The following RPGR variants were observed in gnomAD, a reference collection of about 807,000 sequenced individuals.
RPGR encodes retinitis pigmentosa GTPase regulator, also known as X-linked retinitis pigmentosa GTPase regulator.
RPGR carries 10 observed loss-of-function variants against 56.3 expected under a neutral mutation model. The ratio of observed to expected loss-of-function variants is 0.18; its 90% CI spans 0.11 to 0.30. RPGR has a LOEUF of 0.30. Ranked by LOEUF, RPGR falls within the 10% of genes least tolerant of loss-of-function variation. The pLI is 1.00. For synonymous variants in RPGR, 197 were observed against 212.9 expected (o/e 0.93, Z 0.65); for missense variants, 538 against 590.9 (o/e 0.91, Z 0.93).
intron 14 of RPGR, chrX:38,287,516 C>T (rs1173605342): frequency 1.9e-6 from 1 of 515,879 alleles, no homozygotes; most frequent in East Asian, 3.7e-5. Flanking sequence ...AAGATCACAT[C>T]TTGCTTGCAA....
intron 6 of RPGR, among the ~76,000 whole-genome samples, chrX:38,316,022 A>G (rs1601970015): frequency 9.0e-6 from 1 of 111,141 alleles, no homozygotes; most frequent in East Asian, 2.8e-4. Flanking sequence ...CATGAAATAC[A>G]TATTAAGTAA....
intron 15 of RPGR, among the ~76,000 whole-genome samples, chrX:38,283,796 G>T (rs2067075672): frequency 8.9e-6 from 1 of 111,867 alleles, no homozygotes; most frequent in African/African-American, 3.2e-5. Context: ...AATAACTTGA[G>T]TTTAAGAGTT....
At chrX:38,273,296 A>T in intron 18 of RPGR, 8 of 719,391 alleles carry the variant, frequency 1.1e-5, no homozygotes, top group Non-Finnish European at 1.5e-5. Flanking sequence ...AACTCATATT[A>T]AGAGAGTTAA....
At chrX:38,321,128 T>C in intron 3 of RPGR, 39 bp from the exon 4 acceptor site, 1 of 1,009,977 alleles carries the variant, frequency 9.9e-7, no homozygotes, top group Non-Finnish European at 1.4e-6. Flanking sequence ...TTTATAGCAA[T>C]GAAAATGAAC....
At chrX:38,314,754 C>T (rs1245267272) in intron 6 of RPGR, among the ~76,000 whole-genome samples, 2 of 111,569 alleles carry the variant, frequency 1.8e-5, no homozygotes, top group South Asian at 7.5e-4. Flanking sequence ...AGCATTTAAA[C>T]ATATTAGTAG....
chrX:38,280,216 A>G (rs924309767), intron 15 of RPGR, among the ~76,000 whole-genome samples: 9 of 112,095 alleles, frequency 8.0e-5, no homozygotes, highest in Admixed American at 7.6e-4. Context: ...ATAAGTATAA[A>G]TAATTTTGTA....
intron 1 of RPGR, among the ~76,000 whole-genome samples, chrX:38,324,621 T>C (rs1168498195): frequency 9.2e-6 from 1 of 108,759 alleles, no homozygotes; most frequent in Non-Finnish European, 1.9e-5. Flanking sequence ...GCCCAGAGCC[T>C]AGCATCCTCA....
rs2066791948 is a variant in RPGR at position 38,269,530 on chromosome X, T to C, written c.*96A>G. On this transcript the variant is annotated 3_prime_UTR_variant, in exon 19 of 19. Coordinates refer to ENST00000642395, the MANE Select transcript of RPGR (RefSeq NM_000328.3). Reference sequence around the variant, plus strand: ...AAAACATATTAAGTCTTATATCTTTTAAAGACTACTATCAGAAACTTTACT... The same window carrying C: ...AAAACATATTAAGTCTTATATCTTTCAAAGACTACTATCAGAAACTTTACT... 1.6e-6 allele frequency: 1 copy of C among 606,835 alleles called. No homozygotes were observed. The highest frequency in any genetic ancestry group is 2.3e-5 in the African/African-American group (1 of 44,017). The allele number at this position is 606,835 out of a possible 1,213,427, so 50.0% of individuals were successfully genotyped here.
intron 15 of RPGR, chrX:38,276,802 T>G: frequency 2.6e-6 from 3 of 1,137,373 alleles, no homozygotes; most frequent in Non-Finnish European, 3.6e-6. Flanking sequence ...CAGAGAAGAG[T>G]AAGATTTTCT....
At chrX:38,283,147 A>C (rs1456617353) in intron 15 of RPGR, among the ~76,000 whole-genome samples, 5 of 110,914 alleles carry the variant, frequency 4.5e-5, no homozygotes, top group Non-Finnish European at 9.4e-5. Context: ...TTGTACCCCA[A>C]CCCACCCCTA....
chrX:38,324,618 G>A lies in RPGR; in HGVS notation c.29-1094C>T, dbSNP rs141645645. Reference sequence around the variant, plus strand: ...ACATGTATAAAGAACTTAGCCCAGAGCCTAGCATCCTCAAAGTGTTAGCTC... The same window carrying A: ...ACATGTATAAAGAACTTAGCCCAGAACCTAGCATCCTCAAAGTGTTAGCTC... On this transcript the variant is annotated intron_variant, in intron 1 of 18. Coordinates refer to ENST00000642395, the MANE Select transcript of RPGR (RefSeq NM_000328.3). Among the ~76,000 whole-genome samples, 417 of 108,671 alleles carry A rather than the reference G, an allele frequency of 3.8e-3. 2 individuals carry two copies. Among genetic ancestry groups the A allele is most frequent in the African/African-American group, 0.014 (403 of 29,837 alleles). The allele number at this position is 108,671 out of a possible 115,157, so 94.4% of individuals were successfully genotyped here. A position where few individuals can be genotyped will look rare whatever the true frequency, so the allele number is the denominator to read the frequency against.
chrX:38,287,271 A>G (rs778053532), intron 14 of RPGR, 26 bp from the exon 15 acceptor site: 4 of 1,204,985 alleles, frequency 3.3e-6, no homozygotes, highest in Non-Finnish European at 4.5e-6. Context: ...ATTTAAAATC[A>G]TACTTTGCCA....
intron 6 of RPGR, 163 bp downstream of exon 6, chrX:38,317,153 T>C (rs1029499736): frequency 1.0e-5 from 5 of 482,754 alleles, no homozygotes; most frequent in Non-Finnish European, 1.4e-5. Context: ...ACTCTTATTA[T>C]ATAAATGGGG....
intron 6 of RPGR, among the ~76,000 whole-genome samples, chrX:38,311,858 T>C (rs1366287897): frequency 9.0e-6 from 1 of 111,436 alleles, no homozygotes; most frequent in Non-Finnish European, 1.9e-5. Context: ...ATTCCACACA[T>C]GTCCCTGTAG....
chrX:38,286,901 C>T, intron 15 of RPGR: 2 of 1,208,117 alleles, frequency 1.7e-6, no homozygotes, highest in Non-Finnish European at 2.2e-6. Flanking sequence ...TTCCATTCTT[C>T]CTTCTCTGCT....
rs1368328505 is a variant in RPGR, at chrX:38,269,695, C to T, written c.2379G>A (p.Met793Ile). The stretch of plus-strand genomic sequence containing the variant: ...GTGGGATATTCTGATGATTCTGACT[C>T]ATGTGGTTCTGGTCGGCATCTTTAT... The change falls in exon 19 of 19, where the codon ATG becomes ATA. Residue 793 changes from methionine to isoleucine, a missense_variant. This residue lies in a region of RPGR where 357 missense variants were observed against 325.8 expected (regional missense o/e 1.10). Coordinates refer to ENST00000642395, the MANE Select transcript of RPGR (RefSeq NM_000328.3). 8.3e-7 allele frequency: 1 copy of T among 1,209,659 alleles called. No individual in the cohort carries two copies.
intron 15 of RPGR, chrX:38,285,690 A>T: frequency 8.3e-7 from 1 of 1,209,859 alleles, no homozygotes; most frequent in East Asian, 3.0e-5. Flanking sequence ...ACTTTTTTTG[A>T]TATGTTTTAT....
intron 8 of RPGR, 148 bp downstream of exon 8, chrX:38,304,487 T>C: frequency 4.2e-6 from 2 of 474,461 alleles, no homozygotes; most frequent in Non-Finnish European, 7.2e-6. Flanking sequence ...TTCACAACTT[T>C]ATACTTTGGA....
chrX:38,286,946 C>G lies in RPGR; in HGVS notation c.1905+148G>C. On this transcript the variant is annotated intron_variant, in intron 15 of 18. Coordinates refer to ENST00000642395, the MANE Select transcript of RPGR (RefSeq NM_000328.3). ...TCTCCCTCTCCTGGCCTCTCCATTTCTCCTCTACCCTTGTCTTTCTCCCCC... is the reference window on the plus strand; with the variant it reads ...TCTCCCTCTCCTGGCCTCTCCATTTGTCCTCTACCCTTGTCTTTCTCCCCC... 9 of 1,208,903 alleles carry G rather than the reference C, an allele frequency of 7.4e-6. No homozygotes were observed. Among genetic ancestry groups the G allele is most frequent in the Non-Finnish European group, 1.0e-5 (9 of 894,747 alleles).
Sources: allele counts gnomAD v4.1 joint callset (sites outside exome capture counted in the v4.1 genomes callset), GRCh38; gene constraint gnomAD v4.1.1; regional missense constraint gnomAD v4.1.1; transcripts MANE v1.5; gene names NCBI Gene and HGNC (gene_info 2026-07-23, HGNC 2026-07-21).